The following PDE10A variants were observed in gnomAD, a reference collection of about 807,000 sequenced individuals.
PDE10A encodes the protein phosphodiesterase 10A, also known as cAMP and cAMP-inhibited cGMP 3',5'-cyclic phosphodiesterase 10A.
Under a neutral mutation model 97.7 loss-of-function variants are expected in PDE10A, and 39 were observed. The ratio of observed to expected loss-of-function variants is 0.40; its 90% confidence interval spans 0.31 to 0.52. The LOEUF is 0.52. Ranked by LOEUF, PDE10A falls within the 20% of genes least tolerant of loss-of-function variation. PDE10A has a pLI of 0.56. For missense variants in PDE10A, 731 were observed against 1,047.8 expected (o/e 0.70, Z 4.17); for synonymous variants, 371 against 376.8 (o/e 0.98, Z 0.18).
intron 1 of PDE10A, among the ~76,000 whole-genome samples, chr6:165,702,745 A>C (rs752518887): frequency 8.3e-4 from 127 of 152,118 alleles, no homozygotes; most frequent in Non-Finnish European, 1.6e-3. Flanking sequence ...CCTCCAGGTG[A>C]CCAGAGTCTT....
At chr6:165,820,430 G>A (rs1247337674) in intron 1 of PDE10A, among the ~76,000 whole-genome samples, 1 of 152,122 alleles carries the variant, frequency 6.6e-6, no homozygotes, top group Non-Finnish European at 1.5e-5. Context: ...TACTTTCTGA[G>A]TCCTATATTT....
At chr6:165,732,169 A>G (rs1792454521) in intron 1 of PDE10A, among the ~76,000 whole-genome samples, 2 of 152,216 alleles carry the variant, frequency 1.3e-5, no homozygotes, top group African/African-American at 2.4e-5. Context: ...CTTTCTTACG[A>G]GAACTACCTG....
At chr6:165,503,119 AT>A in intron 2 of PDE10A, among the ~76,000 whole-genome samples, 1 of 152,252 alleles carries the variant, frequency 6.6e-6, no homozygotes, top group Middle Eastern at 3.4e-3. Flanking sequence ...TTGGGTTTTC[AT>A]TCAAGATCCC....
intron 1 of PDE10A, among the ~76,000 whole-genome samples, chr6:165,633,568 G>C (rs1444781614): frequency 6.6e-6 from 1 of 152,176 alleles, no homozygotes; most frequent in Non-Finnish European, 1.5e-5. Context: ...AAAGGAAACA[G>C]GGAAAGGTCG....
intron 3 of PDE10A, among the ~76,000 whole-genome samples, chr6:165,475,860 C>G (rs1294537800): frequency 6.6e-6 from 1 of 152,142 alleles, no homozygotes; most frequent in Non-Finnish European, 1.5e-5. Flanking sequence ...AATCTGGATT[C>G]CAGCGCATCA....
intron 1 of PDE10A, among the ~76,000 whole-genome samples, chr6:165,747,368 G>A (rs182344623): frequency 6.6e-6 from 1 of 152,240 alleles, no homozygotes; most frequent in African/African-American, 2.4e-5. Context: ...TGTAAACACT[G>A]GTATGGGGCA....
chr6:165,521,313 T>G (rs1409048850), intron 2 of PDE10A, among the ~76,000 whole-genome samples: 3 of 152,042 alleles, frequency 2.0e-5, no homozygotes, highest in Non-Finnish European at 4.4e-5. Flanking sequence ...TTAGACCAAC[T>G]AACAACCCTA....
intron 1 of PDE10A, among the ~76,000 whole-genome samples, chr6:165,735,658 A>G (rs1326248939): frequency 6.6e-6 from 1 of 152,090 alleles, no homozygotes; most frequent in Non-Finnish European, 1.5e-5. Context: ...ACTCTCTCTC[A>G]CCTGGGGGAT....
intron 13 of PDE10A, among the ~76,000 whole-genome samples, chr6:165,401,004 T>C (rs887779904): frequency 2.0e-5 from 3 of 152,156 alleles, no homozygotes; most frequent in African/African-American, 7.2e-5. Context: ...GAAACTGCAA[T>C]TTATAGTGAC....
At chr6:165,373,899 C>T (rs1450529549) in intron 18 of PDE10A, among the ~76,000 whole-genome samples, 1 of 151,422 alleles carries the variant, frequency 6.6e-6, no homozygotes, top group South Asian at 2.1e-4. Flanking sequence ...TACTATGCAG[C>T]CATAAAAAAT....
chr6:165,641,863 C>T lies in PDE10A; in HGVS notation c.865+20084G>A, dbSNP rs114581764. ...AGAACACGGTCCCGTCTCTGGCAAG[C>T]GGTGTTTCGGTTCATCTCAACTCTC... On this transcript the variant is annotated intron_variant, in intron 1 of 21. Transcript: ENST00000539869. Among the ~76,000 whole-genome samples the T allele has an allele frequency of 4.0e-3, 603 of 152,310 alleles. 6 individuals carry two copies. The highest frequency in any genetic ancestry group is 0.014 in the African/African-American group (572 of 41,570).
At chr6:165,870,285 G>A (rs1781167669) in intron 1 of PDE10A, among the ~76,000 whole-genome samples, 1 of 152,094 alleles carries the variant, frequency 6.6e-6, no homozygotes, top group African/African-American at 2.4e-5. Flanking sequence ...TAAAAAGTGG[G>A]CAAAGGACCT....
At chr6:165,754,512 G>T (rs1267513950) in intron 1 of PDE10A, 1 of 152,084 alleles carries the variant, frequency 6.6e-6, no homozygotes, top group Non-Finnish European at 1.5e-5. Context: ...GAAAAAAATA[G>T]ATTTACATTT....
intron 1 of PDE10A, among the ~76,000 whole-genome samples, chr6:165,979,250 C>T (rs933963980): frequency 6.6e-6 from 1 of 152,130 alleles, no homozygotes; most frequent in Admixed American, 6.6e-5. Flanking sequence ...GGGCTGAACT[C>T]CCCATTAGCA....
intron 1 of PDE10A, among the ~76,000 whole-genome samples, chr6:165,840,294 C>G (rs149692809): frequency 6.6e-6 from 1 of 151,578 alleles, no homozygotes; most frequent in Non-Finnish European, 1.5e-5. Context: ...TCCAGGCAAA[C>G]TGGAGCGGGT....
chr6:165,428,112 C>T (rs1181506487), intron 10 of PDE10A, among the ~76,000 whole-genome samples: 1 of 152,074 alleles, frequency 6.6e-6, no homozygotes, highest in East Asian at 1.9e-4. Flanking sequence ...TAACAGGGCA[C>T]AAATGGTAAC....
chr6:165,364,248 T>A (rs987846238), intron 18 of PDE10A, among the ~76,000 whole-genome samples: 1 of 152,200 alleles, frequency 6.6e-6, no homozygotes, highest in African/African-American at 2.4e-5. Context: ...GGTGATTATG[T>A]CATGAGGGTA....
At chr6:165,776,276 G>A (rs545560422) in intron 1 of PDE10A, among the ~76,000 whole-genome samples, 109 of 152,222 alleles carry the variant, frequency 7.2e-4, no homozygotes, top group African/African-American at 2.6e-3. Flanking sequence ...GTAAAAAAGG[G>A]TTACAAGTGT....
chr6:165,510,291 A>G (rs572056433), intron 2 of PDE10A, among the ~76,000 whole-genome samples: 7 of 151,906 alleles, frequency 4.6e-5, no homozygotes, highest in African/African-American at 1.7e-4. Flanking sequence ...TGAGATGATC[A>G]TATGGTTTTC....
Sources: gnomAD v4.1 joint callset for allele counts (sites outside exome capture counted in the v4.1 genomes callset) on GRCh38, gnomAD v4.1.1 for gene constraint, MANE v1.5 for transcripts, NCBI Gene and HGNC (gene_info 2026-07-23, HGNC 2026-07-21) for gene names.